Variants in ERG observed in about 807,000 individuals in gnomAD.
The protein encoded by ERG is transcriptional regulator ERG.
A neutral mutation model predicts 55.3 loss-of-function variants in ERG; 9 were observed. The observed-to-expected ratio is 0.16, with a 90% CI of 0.10 to 0.28. The LOEUF (loss-of-function observed/expected upper bound fraction) is 0.28. Ranked by LOEUF, ERG falls within the 10% of genes least tolerant of loss-of-function variation. The pLI is 1.00. For missense variants in ERG, 434 were observed against 631.6 expected, an observed-to-expected ratio of 0.69 and a Z score of 3.35; for synonymous variants, 223 against 237.3, an observed-to-expected ratio of 0.94 and a Z score of 0.55.
chr21:38,501,730 T>C (rs1023285052), upstream of ERG, among the ~76,000 whole-genome samples: 2 of 152,122 alleles, frequency 1.3e-5, no homozygotes, highest in Admixed American at 6.5e-5. Context: ...GCACAGCCCA[T>C]ACAGTAGCTG....
Position 38,391,416 on chromosome 21 carries a change from A to C in ERG, c.871+243T>G, listed in dbSNP as rs74371721. On this transcript the variant is annotated intron_variant, in intron 8 of 9. Transcript: ENST00000288319. ...TCTAAAAAATTAATGGATCACAAAG[A>C]AGCAGCCTGTGTGCACGTAGAATTT... is the stretch of plus-strand genomic sequence containing the variant. Among the ~76,000 whole-genome samples the C allele has an allele frequency of 9.2e-5, 14 of 152,176 alleles. No homozygotes were observed. The East Asian group carries it at 2.7e-3, about 29-fold the overall frequency.
intron 2 of ERG, among the ~76,000 whole-genome samples, chr21:38,436,900 T>TC (rs1178835725): frequency 3.3e-4 from 9 of 27,350 alleles, no homozygotes; most frequent in African/African-American, 5.2e-4. Context: ...TCTTTCTCTC[T>TC]TTTTTTTTTT....
intron 9 of ERG, among the ~76,000 whole-genome samples, chr21:38,387,846 T>C (rs1987772807): frequency 1.3e-5 from 2 of 152,230 alleles, no homozygotes; most frequent in African/African-American, 4.8e-5. Flanking sequence ...AGGAATCATG[T>C]GATTAGTCCA....
rs568843085 is a variant in ERG at position 38,613,482 on chromosome 21, G to C, written c.-149-28537C>G. On this transcript the variant is annotated intron_variant, in intron 1 of 10. Transcript: ENST00000398910. Reference sequence around the variant, plus strand: ...ACGTTCTTTTCCTTTGTTTGCAGTAGGTTGTTCATCGTTTTCATGAGAACA... The same window carrying C: ...ACGTTCTTTTCCTTTGTTTGCAGTACGTTGTTCATCGTTTTCATGAGAACA... 2.0e-5 allele frequency among the ~76,000 whole-genome samples: 3 copies of C among 152,334 alleles called. 1 individual carries two copies. In the South Asian group the frequency reaches 6.2e-4, roughly 32 times the overall value.
At chr21:38,634,861 A>T (rs2060378792) in intron 1 of ERG, among the ~76,000 whole-genome samples, 1 of 152,218 alleles carries the variant, frequency 6.6e-6, no homozygotes, top group Non-Finnish European at 1.5e-5. Flanking sequence ...GAAGCTTTGA[A>T]AAGAACATGA....
intron 1 of ERG, among the ~76,000 whole-genome samples, chr21:38,631,574 C>A (rs540152392): frequency 6.6e-6 from 1 of 152,216 alleles, no homozygotes; most frequent in South Asian, 2.1e-4. Flanking sequence ...CCAATTTTGA[C>A]CTCCCTTTTA....
rs765391658 is a variant in ERG at position 38,403,498 on chromosome 21, G to A, written c.592+8C>T. The A allele has an allele frequency of 3.3e-5, 53 of 1,613,460 alleles. No homozygotes were observed. The highest frequency in any genetic ancestry group is 4.2e-5 in the Non-Finnish European group (50 of 1,179,590). On this transcript the variant is annotated splice_region_variant and intron_variant, in intron 4 of 9. Transcript: ENST00000288319. ...AGCCATCTATCCTTGGAGGAAGGGG[G>A]AGCTTACTCTCTCTGAGGTAGTGGA...
chr21:38,383,970 C>A lies in ERG; in HGVS notation c.920-47G>T. ...GGAAAACTCCAGTGAGCACAGGTTC[C>A]AGGGGAAAGAGGCTCTCTGTGATGA... On this transcript the variant is annotated intron_variant, in intron 9 of 9. Transcript: ENST00000288319. The surrounding 1 kb of genome is among the most constrained non-coding windows in gnomAD (Gnocchi z 5.7). 1 of 1,568,502 alleles carries A rather than the reference C, an allele frequency of 6.4e-7. No individual in the cohort carries two copies. The highest frequency in any genetic ancestry group is 8.6e-7 in the Non-Finnish European group (1 of 1,159,058).
chr21:38,578,100 C>T (rs907768387), intron 1 of ERG, among the ~76,000 whole-genome samples: 2 of 150,206 alleles, frequency 1.3e-5, no homozygotes, highest in African/African-American at 2.5e-5. Flanking sequence ...ACGCCAGGCC[C>T]GGGAGGGAGT....
chr21:38,419,866 C>T (rs576464734), intron 3 of ERG, among the ~76,000 whole-genome samples: 65 of 152,184 alleles, frequency 4.3e-4, no homozygotes, highest in Non-Finnish European at 8.2e-4. Flanking sequence ...GTACCAGAAC[C>T]CAATCTGAAC....
intron 1 of ERG, among the ~76,000 whole-genome samples, chr21:38,641,143 C>A (rs571193237): frequency 1.3e-5 from 2 of 152,298 alleles, no homozygotes; most frequent in Admixed American, 6.5e-5. Flanking sequence ...TGCTTCCTCC[C>A]AAAATTCACA....
rs1006939658 is a variant in ERG, at chr21:38,381,460, C to G, written c.*1943G>C. On this transcript the variant is annotated 3_prime_UTR_variant, in exon 10 of 10. Coordinates refer to ENST00000288319, the MANE Select transcript of ERG (RefSeq NM_182918.4). Reference sequence around the variant, plus strand: ...CATCAGGCTCAGGGCTAGTGAATCCCAAGCCACAGTGCCCAGGTAACTCTG... The same window carrying G: ...CATCAGGCTCAGGGCTAGTGAATCCGAAGCCACAGTGCCCAGGTAACTCTG... The G allele has an allele frequency of 5.6e-6, 6 of 1,062,960 alleles. No homozygotes were observed. In the African/African-American group the frequency reaches 8.2e-5, roughly 15 times the overall value. The allele number at this position is 1,062,960 out of a possible 1,614,324, so 65.8% of individuals were successfully genotyped here. A position where few individuals can be genotyped will look rare whatever the true frequency, so the allele number is the denominator to read the frequency against.
At chr21:38,500,179 A>C (rs1434597001), upstream of ERG, among the ~76,000 whole-genome samples, 3 of 152,222 alleles carry the variant, frequency 2.0e-5, no homozygotes, top group Non-Finnish European at 2.9e-5. Context: ...TCAATGTAAA[A>C]TGTTAACTGT....
chr21:38,545,806 C>T (rs557515824), intron 2 of ERG, among the ~76,000 whole-genome samples: 1 of 152,178 alleles, frequency 6.6e-6, no homozygotes, highest in African/African-American at 2.4e-5. Context: ...AAGAAACTGT[C>T]CCCTTGCCCA....
intron 1 of ERG, among the ~76,000 whole-genome samples, chr21:38,483,247 C>A (rs1429425363): frequency 6.6e-6 from 1 of 152,084 alleles, no homozygotes; most frequent in African/African-American, 2.4e-5. Context: ...CCGTGCTGTG[C>A]TGTACTTGGG....
chr21:38,612,200 C>T (rs1342079754), intron 1 of ERG, among the ~76,000 whole-genome samples: 2 of 152,174 alleles, frequency 1.3e-5, no homozygotes, highest in Non-Finnish European at 2.9e-5. Flanking sequence ...AAAATGTTTA[C>T]AAACCTTTAC....
intron 2 of ERG, among the ~76,000 whole-genome samples, chr21:38,526,082 A>G (rs919172824): frequency 2.0e-5 from 3 of 152,190 alleles, no homozygotes; most frequent in African/African-American, 7.2e-5. Context: ...AAGAAATGTG[A>G]TGGCGTGGTC....
At chr21:38,643,549 C>CT (rs1474167215) in intron 1 of ERG, among the ~76,000 whole-genome samples, 7 of 152,268 alleles carry the variant, frequency 4.6e-5, no homozygotes, top group African/African-American at 1.7e-4. Context: ...TAGAATGGGT[C>CT]TTCAAGCTAC....
At chr21:38,567,788 G>A (rs1174015845) in intron 2 of ERG, among the ~76,000 whole-genome samples, 1 of 152,148 alleles carries the variant, frequency 6.6e-6, no homozygotes, top group African/African-American at 2.4e-5. Flanking sequence ...CCGAGACATC[G>A]CCTAATCCCT....
Sources: gnomAD v4.1 joint callset for allele counts (sites outside exome capture counted in the v4.1 genomes callset) on GRCh38, gnomAD v4.1.1 for gene constraint, Gnocchi (gnomAD v3.1) non-coding constraint, MANE v1.5 for transcripts, NCBI Gene and HGNC (gene_info 2026-07-23, HGNC 2026-07-21) for gene names.